Variants in MEGF8 observed in about 807,000 individuals in gnomAD.
The protein encoded by MEGF8 is multiple EGF like domains 8, also known as multiple epidermal growth factor-like domains protein 8.
Under a neutral mutation model 302.9 loss-of-function variants are expected in MEGF8, and 156 were observed. That is an observed-to-expected ratio of 0.52 (90% CI 0.45 to 0.59). The LOEUF (loss-of-function observed/expected upper bound fraction) is 0.59, where lower values mean the gene tolerates loss of function less well. Ranked by LOEUF, MEGF8 falls within the 20% of genes least tolerant of loss-of-function variation. The pLI, the probability that MEGF8 is intolerant of heterozygous loss-of-function variation, is 0.00. For missense variants in MEGF8, 3,345 were observed against 3,964.5 expected, an observed-to-expected ratio of 0.84 and a Z score of 4.20; for synonymous variants, 1,621 against 1,660.5, an observed-to-expected ratio of 0.98 and a Z score of 0.58.
rs1437438277 is a variant in MEGF8, at chr19:42,358,215, C to T, written c.5083C>T (p.His1695Tyr). The T allele has an allele frequency of 6.2e-7, 1 of 1,604,666 alleles. No homozygotes were observed. Among genetic ancestry groups the T allele is most frequent in the Non-Finnish European group, 8.5e-7 (1 of 1,176,034 alleles). The change falls in exon 29 of 42, where the codon CAT (histidine) becomes TAT (tyrosine). Residue 1695 changes from histidine (H) to tyrosine (Y), a missense_variant. Coordinates refer to ENST00000251268, the MANE Select transcript of MEGF8 (RefSeq NM_001271938.2). The surrounding 1 kb of genome is among the most constrained non-coding windows in gnomAD (Gnocchi z 4.4). Reference sequence around the variant, plus strand: ...CTACGTGTTTGGGGGGTTCCGATTCCATGTGGAGCTGGCGGCCCCATCCCC... The same window carrying T: ...CTACGTGTTTGGGGGGTTCCGATTCTATGTGGAGCTGGCGGCCCCATCCCC... ...SLYVFGGFRF[H>Y]VELAAPSPEL...
At chr19:42,360,739 G>T (rs2147493503) in intron 31 of MEGF8, 36 bp from the exon 32 acceptor site, 2 of 1,551,330 alleles carry the variant, frequency 1.3e-6, no homozygotes, top group South Asian at 1.2e-5. Flanking sequence ...GGAGTCTCCT[G>T]CTCTCTATCT....
In MEGF8 at chr19:42,344,747, C is replaced by G; in HGVS notation, c.2011C>G (p.Leu671Val). ...GCCTGCGCCTGTCTTCGTCACGTCC[C>G]TGGAGGCCTGCGTCACCCAGAGCTT... ...WGPAPVFVTS[L>V]EACVTQSFLP... is the part of the protein sequence containing the mutation. The change falls in exon 12 of 42, where the codon CTG (leucine) becomes GTG (valine). Residue 671 changes from leucine (L) to valine (V), a missense_variant. Coordinates refer to ENST00000251268, the MANE Select transcript of MEGF8 (RefSeq NM_001271938.2). This position sits in a 1 kb window ranked among gnomAD's most constrained non-coding sequence, Gnocchi z 4.5. 1 of 1,612,502 alleles carries G rather than the reference C, an allele frequency of 6.2e-7. No homozygotes were observed. Among genetic ancestry groups the G allele is most frequent in the East Asian group, 2.2e-5 (1 of 44,800 alleles).
rs934024207 is a variant in MEGF8, at chr19:42,357,033, G to C, written c.4830+52G>C. Reference sequence around the variant, plus strand: ...CCAGCCCTCACACTGGGCCCTGACAGAGACAGCTGTGGTAGCTCCTGCCAG... The same window carrying C: ...CCAGCCCTCACACTGGGCCCTGACACAGACAGCTGTGGTAGCTCCTGCCAG... On this transcript the variant is annotated intron_variant, in intron 27 of 41. Transcript: ENST00000251268. The surrounding 1 kb of genome is among the most constrained non-coding windows in gnomAD (Gnocchi z 5.2). The C allele has an allele frequency of 1.3e-6, 2 of 1,496,658 alleles. No homozygotes were observed. Among genetic ancestry groups the C allele is most frequent in the Non-Finnish European group, 1.8e-6 (2 of 1,112,888 alleles). The allele number at this position is 1,496,658 out of a possible 1,614,324, so 92.7% of individuals were successfully genotyped here.
chr19:42,376,500 G>T lies in MEGF8; in HGVS notation c.8263G>T (p.Ala2755Ser). The change falls in exon 42 of 42, where the codon GCC becomes TCC. Residue 2755 changes from alanine (A) to serine (S), a missense_variant. By Grantham distance (99) the Ala-to-Ser change is moderately conservative. Transcript: ENST00000251268. This position sits in a 1 kb window ranked among gnomAD's most constrained non-coding sequence, Gnocchi z 8.2. ...GPMGGGCCPP[A>S]IPATTAGLRA... ...CATGGGAGGGGGCTGCTGCCCACCA[G>T]CCATCCCCGCCACCACTGCTGGGCT... is the stretch of plus-strand genomic sequence containing the variant. The T allele has an allele frequency of 6.3e-7, 1 of 1,575,254 alleles. No homozygotes were observed. The highest frequency in any genetic ancestry group is 8.6e-7 in the Non-Finnish European group (1 of 1,163,666).
Position 42,352,420 on chromosome 19 carries a change from G to A in MEGF8, c.3314G>A (p.Gly1105Asp). 6.3e-7 allele frequency: 1 copy of A among 1,599,116 alleles called. No homozygotes were observed. The highest frequency in any genetic ancestry group is 8.5e-7 in the Non-Finnish European group (1 of 1,173,132). The change falls in exon 19 of 42, where the codon GGC becomes GAC. Residue 1105 changes from glycine (G) to aspartate (D), a missense_variant. Coordinates refer to ENST00000251268, the MANE Select transcript of MEGF8 (RefSeq NM_001271938.2). The surrounding 1 kb of genome is among the most constrained non-coding windows in gnomAD (Gnocchi z 4.4). ...AGCTACGAGTGTCACTGCCAGCGGG[G>A]CTACCAGGGTGATGGCATCTCACAC... ...PLSYECHCQR[G>D]YQGDGISHCN...
intron 5 of MEGF8, 143 bp from the exon 6 acceptor site, chr19:42,335,788 T>G: frequency 1.3e-6 from 1 of 742,446 alleles, no homozygotes; most frequent in South Asian, 2.3e-5. Flanking sequence ...CTTTTCTCTC[T>G]CTGCCGGTCT....
chr19:42,353,577 T>C lies in MEGF8; in HGVS notation c.3663T>C (p.Arg1221=). 3.8e-6 allele frequency: 6 copies of C among 1,599,248 alleles called. No homozygotes were observed. Among genetic ancestry groups the C allele is most frequent in the Non-Finnish European group, 1.7e-6 (2 of 1,173,358 alleles). ...CQCNGHGDPR[R]GHCDNLSGLC... The stretch of plus-strand genomic sequence containing the variant: ...GCAACGGGCACGGGGACCCACGCCG[T>C]GGCCACTGCGACAACCTCAGTGGGC... Residue 1221 remains arginine, a synonymous_variant, in exon 21 of 42, where the codon CGT becomes CGC. Transcript: ENST00000251268. The surrounding 1 kb of genome is among the most constrained non-coding windows in gnomAD (Gnocchi z 6.1).
chr19:42,332,104 G>T (rs2039063139), intron 1 of MEGF8, among the ~76,000 whole-genome samples: 1 of 152,008 alleles, frequency 6.6e-6, no homozygotes, highest in East Asian at 1.9e-4. Flanking sequence ...TGATCCACCT[G>T]CCCTGGCCTC....
intron 41 of MEGF8, among the ~76,000 whole-genome samples, chr19:42,373,707 T>G (rs894752094): frequency 2.8e-5 from 3 of 107,560 alleles, no homozygotes; most frequent in African/African-American, 1.1e-4. Flanking sequence ...GGCTTTTGGG[T>G]TTTTTTTTTT....
Position 42,356,767 on chromosome 19 carries a change from G to T in MEGF8, c.4623-7G>T. On this transcript the variant is annotated splice_polypyrimidine_tract_variant and splice_region_variant and intron_variant, in intron 26 of 41. Coordinates refer to ENST00000251268, the MANE Select transcript of MEGF8 (RefSeq NM_001271938.2). This position sits in a 1 kb window ranked among gnomAD's most constrained non-coding sequence, Gnocchi z 5.2. ...AATGAGGCTGCTTTTTTGCACCCTG[G>T]CCCCAGGTACTCAGTGAGTGAGCGG... The T allele has an allele frequency of 6.5e-7, 1 of 1,540,570 alleles. No homozygotes were observed. Among genetic ancestry groups the T allele is most frequent in the South Asian group, 1.2e-5 (1 of 83,092 alleles).
rs2039490157 is a variant in MEGF8 at position 42,358,827 on chromosome 19, T to C, written c.5216T>C (p.Leu1739Pro). ...MRNVRGSSRG[L>P]GQVPGEQPGS... ...AATGTGCGTGGCTCATCTCGGGGTCTGGGCCAAGTTCCTGGGGAGCAGCCT... is the reference window on the plus strand; with the variant it reads ...AATGTGCGTGGCTCATCTCGGGGTCCGGGCCAAGTTCCTGGGGAGCAGCCT... Residue 1739 changes from leucine (L) to proline (P), a missense_variant, in exon 30 of 42, where the codon CTG becomes CCG. Physicochemically the swap from Leu to Pro is moderately conservative, Grantham distance 98 (BLOSUM62 -3). Transcript: ENST00000251268. The surrounding 1 kb of genome is among the most constrained non-coding windows in gnomAD (Gnocchi z 4.4). 1.3e-6 allele frequency: 2 copies of C among 1,597,634 alleles called. No homozygotes were observed. The highest frequency in any genetic ancestry group is 1.7e-6 in the Non-Finnish European group (2 of 1,172,792).
At chr19:42,339,873 A>G (rs774665336) in intron 8 of MEGF8, among the ~76,000 whole-genome samples, 1 of 152,168 alleles carries the variant, frequency 6.6e-6, no homozygotes, top group Non-Finnish European at 1.5e-5. Context: ...CCTGGTTAAC[A>G]TGGTAAAACC....
At position 42,370,818 on chromosome 19, in the gene MEGF8, G is replaced by T. The variant is rs1178433906; in HGVS notation, c.7123G>T (p.Gly2375Trp). Reference protein sequence around the residue: ...SCLQGYFLLDGKCTKCQCNGH... With the variant: ...SCLQGYFLLDWKCTKCQCNGH... ...CCTGCAGGGCTACTTCCTCCTGGAC[G>T]GGAAGTGCACCAAGTAAGAGGAACC... The change falls in exon 40 of 42, where the codon GGG (glycine) becomes TGG (tryptophan). Residue 2375 changes from glycine to tryptophan, a missense_variant. Physicochemically the swap from Gly to Trp is radical, Grantham distance 184. Transcript: ENST00000251268. 1.2e-5 allele frequency: 10 copies of T among 853,556 alleles called. No individual in the cohort carries two copies. The highest frequency in any genetic ancestry group is 1.8e-5 in the Non-Finnish European group (10 of 559,156). The allele number at this position is 853,556 out of a possible 1,614,324, so 52.9% of individuals were successfully genotyped here.
chr19:42,349,766 G>T, intron 14 of MEGF8, 67 bp downstream of exon 14: 2 of 1,512,280 alleles, frequency 1.3e-6, no homozygotes, highest in South Asian at 1.1e-5. Flanking sequence ...TGGGCTTTCT[G>T]AACCCCAGGC....
rs917495040 is a variant in MEGF8, at chr19:42,369,804, A to G, written c.6834+81A>G. On this transcript the variant is annotated intron_variant, in intron 38 of 41. Transcript: ENST00000251268. This position sits in a 1 kb window ranked among gnomAD's most constrained non-coding sequence, Gnocchi z 5.7. ...TTCATCCCACGCTCAGGCGGCTCGC[A>G]TCTCATCCTGAGCCCTGATAAGCCA... The G allele has an allele frequency of 7.0e-7, 1 of 1,420,606 alleles. No homozygotes were observed. Among genetic ancestry groups the G allele is most frequent in the Non-Finnish European group, 9.5e-7 (1 of 1,055,636 alleles). The allele number at this position is 1,420,606 out of a possible 1,614,324, so 88.0% of individuals were successfully genotyped here.
At chr19:42,359,421 A>G (rs1411395549) in intron 31 of MEGF8, among the ~76,000 whole-genome samples, 179 bp downstream of exon 31, 1 of 150,950 alleles carries the variant, frequency 6.6e-6, no homozygotes, top group Non-Finnish European at 1.5e-5. Flanking sequence ...TTTTTCTTAG[A>G]GAAGTTTATT....
In MEGF8 at chr19:42,343,594, A is replaced by ACCAT; in HGVS notation, c.1631_1632insCCAT (p.Lys544AsnfsTer14). On this transcript the variant is annotated frameshift_variant, in exon 9 of 42. Transcript: ENST00000251268. LOFTEE classifies it high-confidence loss of function. ...CCCCGTGGGGACTTGATGGCGTACA[A>ACCAT]GGTGCCCCCCTTTGTGTTCCAGGCA... 1 of 1,612,354 alleles carries ACCAT rather than the reference A, an allele frequency of 6.2e-7. No individual in the cohort carries two copies. Among genetic ancestry groups the ACCAT allele is most frequent in the East Asian group, 2.2e-5 (1 of 44,844 alleles).
At position 42,352,331 on chromosome 19, in the gene MEGF8, G is replaced by A. The variant is rs1213178763; in HGVS notation, c.3225G>A (p.Val1075=). The stretch of plus-strand genomic sequence containing the variant: ...GGGCATACGCCCGCTGTCCTGACGT[G>A]GATGAGTGTCGCCTGGGCCTGGCCC... ...ARWAYARCPD[V]DECRLGLARC... Residue 1075 remains valine, a synonymous_variant, in exon 19 of 42, where the codon GTG becomes GTA. Coordinates refer to ENST00000251268, the MANE Select transcript of MEGF8 (RefSeq NM_001271938.2). The surrounding 1 kb of genome is among the most constrained non-coding windows in gnomAD (Gnocchi z 4.4). 1.9e-6 allele frequency: 3 copies of A among 1,585,092 alleles called. No individual in the cohort carries two copies. The highest frequency in any genetic ancestry group is 2.6e-6 in the Non-Finnish European group (3 of 1,166,456).
chr19:42,352,880 G>C lies in MEGF8; in HGVS notation c.3351-48G>C. The C allele has an allele frequency of 7.3e-7, 1 of 1,375,938 alleles. No individual in the cohort carries two copies. The highest frequency in any genetic ancestry group is 1.0e-6 in the Non-Finnish European group (1 of 990,828). The allele number at this position is 1,375,938 out of a possible 1,614,324, so 85.2% of individuals were successfully genotyped here. A position where few individuals can be genotyped will look rare whatever the true frequency, so the allele number is the denominator to read the frequency against. Reference sequence around the variant, plus strand: ...GTGGAGATGATGGGGTGCTTTAGGGGCTCTGGGCCTGCCTGGCGCTTTCCC... The same window carrying C: ...GTGGAGATGATGGGGTGCTTTAGGGCCTCTGGGCCTGCCTGGCGCTTTCCC... On this transcript the variant is annotated intron_variant, in intron 19 of 41. Transcript: ENST00000251268. This position sits in a 1 kb window ranked among gnomAD's most constrained non-coding sequence, Gnocchi z 4.4.
Sources: allele counts gnomAD v4.1 joint callset (sites outside exome capture counted in the v4.1 genomes callset), GRCh38; gene constraint gnomAD v4.1.1; non-coding constraint Gnocchi (gnomAD v3.1); transcripts MANE v1.5; gene names NCBI Gene and HGNC (gene_info 2026-07-23, HGNC 2026-07-21).